The following ESR2 variants were observed in gnomAD, a reference collection of about 807,000 sequenced individuals.
ESR2 encodes estrogen receptor 2, also known as estrogen receptor beta.
A neutral mutation model predicts 49.6 loss-of-function variants in ESR2; 36 were observed. The ratio of observed to expected loss-of-function variants is 0.73; its 90% confidence interval spans 0.56 to 0.96. The LOEUF (loss-of-function observed/expected upper bound fraction) is 0.96, where lower values mean the gene tolerates loss of function less well. ESR2 is among the 40% of genes least tolerant of loss of function. The probability of loss-of-function intolerance (pLI) is 0.00; values close to 1 mark genes in which losing one functional copy is unlikely to be tolerated. For missense variants in ESR2, 714 were observed against 693.0 expected, an observed-to-expected ratio of 1.03 and a Z score of -0.34; for synonymous variants, 320 against 266.1, an observed-to-expected ratio of 1.20 and a Z score of -1.97.
intron 5 of ESR2, among the ~76,000 whole-genome samples, chr14:64,257,810 G>A (rs1226951555): frequency 6.6e-6 from 1 of 152,118 alleles, no homozygotes; most frequent in Non-Finnish European, 1.5e-5. Flanking sequence ...AGAGAGCAGT[G>A]CCAGCCCTCA....
intron 1 of ESR2, among the ~76,000 whole-genome samples, chr14:64,327,413 AG>A (rs1243775415): frequency 3.5e-3 from 322 of 90,774 alleles, no homozygotes; most frequent in South Asian, 6.6e-3. Context: ...ATACAAAATT[AG>A]GCCAGGCACA....
chr14:64,285,184 G>A (rs1271101334), intron 1 of ESR2, among the ~76,000 whole-genome samples: 4 of 152,056 alleles, frequency 2.6e-5, no homozygotes. Flanking sequence ...ATCTGTAACA[G>A]GCTTCTTACT....
rs1242418915 is a variant in ESR2, at chr14:64,228,859, T to C, written c.*4278A>G. ...AGCAACAAAAATGGCACTACGATCA[T>C]ACATCACAGACAATGCACATCTTAA... On this transcript the variant is annotated 3_prime_UTR_variant, in exon 9 of 9. Transcript: ENST00000341099. Among the ~76,000 whole-genome samples, 3 of 152,172 alleles carry C rather than the reference T, an allele frequency of 2.0e-5. No individual in the cohort carries two copies. Among genetic ancestry groups the C allele is most frequent in the African/African-American group, 7.2e-5 (3 of 41,448 alleles).
At chr14:64,252,993 TTACAGGCACAC>T (rs1325599305) in intron 6 of ESR2, among the ~76,000 whole-genome samples, 2 of 151,820 alleles carry the variant, frequency 1.3e-5, no homozygotes, top group African/African-American at 4.8e-5. Flanking sequence ...GTAGCTGGGA[TTACAGGCACAC>T]ACCACTATGC....
intron 1 of ESR2, among the ~76,000 whole-genome samples, chr14:64,335,552 A>G (rs532935333): frequency 1.3e-5 from 2 of 152,056 alleles, no homozygotes; most frequent in East Asian, 1.9e-4. Context: ...TAAGGACACT[A>G]CTCCCATCGT....
chr14:64,321,604 C>T (rs114249126), intron 1 of ESR2, among the ~76,000 whole-genome samples: 2,401 of 152,206 alleles, frequency 0.016, 67 homozygotes, highest in East Asian at 0.088. Context: ...TGACAAGACA[C>T]TATTTAAGAA....
intron 4 of ESR2, among the ~76,000 whole-genome samples, chr14:64,261,232 CTTTTTTCTTTTTTT>C (rs1191985516): frequency 1.1e-5 from 1 of 88,682 alleles, no homozygotes; most frequent in Non-Finnish European, 2.1e-5. Flanking sequence ...TTTTATTTTT[CTTTTTTCTTTTTTT>C]TTTTTTTTTG....
chr14:64,315,184 T>C (rs2077238089), intron 1 of ESR2, among the ~76,000 whole-genome samples: 1 of 134,946 alleles, frequency 7.4e-6, no homozygotes, highest in East Asian at 2.1e-4. Context: ...GTGGAGGTTG[T>C]GGTAAGCCAA....
chr14:64,291,877 T>A (rs1348598180), intron 1 of ESR2, among the ~76,000 whole-genome samples: 2 of 152,122 alleles, frequency 1.3e-5, no homozygotes, highest in African/African-American at 4.8e-5. Context: ...TTTCTTAATC[T>A]CAGGTATAAT....
intron 1 of ESR2, among the ~76,000 whole-genome samples, chr14:64,319,025 G>A (rs1248297067): frequency 6.6e-6 from 1 of 151,710 alleles, no homozygotes; most frequent in Non-Finnish European, 1.5e-5. Context: ...CTCCAGCCCT[G>A]GTGAAAGAGA....
At position 64,260,470 on chromosome 14, in the gene ESR2, T is replaced by A. The variant is rs201349732; in HGVS notation, c.931A>T (p.Ser311Cys). Residue 311 changes from serine (S) to cysteine (C), a missense_variant, in exon 5 of 9, where the codon AGC (serine) becomes TGC (cysteine). Ser to Cys is a moderately radical substitution (Grantham distance 112). Coordinates refer to ENST00000341099, the MANE Select transcript of ESR2 (RefSeq NM_001437.3). The stretch of plus-strand genomic sequence containing the variant: ...CTACCGGGAATCTTCTTGGCCCAGC[T>A]GATCATGTGTACCAACTCCTTGTCG... ...LADKELVHMI[S>C]WAKKIPGFVE... The A allele has an allele frequency of 1.3e-6, 2 of 1,525,238 alleles. No homozygotes were observed. Among genetic ancestry groups the A allele is most frequent in the Non-Finnish European group, 1.8e-6 (2 of 1,137,836 alleles). 94.5% of individuals were successfully genotyped at this position (1,525,238 alleles called of 1,614,324 possible). A position where few individuals can be genotyped will look rare whatever the true frequency, so the allele number is the denominator to read the frequency against.
rs2076431023 is a variant in ESR2, at chr14:64,270,801, CA to C, written c.536-1891del. On this transcript the variant is annotated intron_variant, in intron 3 of 8. Coordinates refer to ENST00000341099, the MANE Select transcript of ESR2 (RefSeq NM_001437.3). ...CTGGGATTACAGGCGTGAGCCACCA[CA>C]GCTGGCCAGAAGAGGTAATTAAAAA... is the stretch of plus-strand genomic sequence containing the variant. Among the ~76,000 whole-genome samples, 3 of 152,226 alleles carry C rather than the reference CA, an allele frequency of 2.0e-5. No homozygotes were observed. The South Asian group carries it at 6.2e-4, about 32-fold the overall frequency.
Position 64,233,222 on chromosome 14 carries a change from C to T in ESR2, c.1508G>A (p.Cys503Tyr), listed in dbSNP as rs188329310. 157 of 1,614,230 alleles carry T rather than the reference C, an allele frequency of 9.7e-5. 2 individuals are homozygous for T. In the East Asian group the frequency reaches 1.0e-3, roughly 10 times the overall value. Residue 503 changes from cysteine to tyrosine, a missense_variant, in exon 9 of 9, where the codon TGC becomes TAC. Cys to Tyr is a radical substitution (Grantham distance 194, BLOSUM62 -2). Coordinates refer to ENST00000341099, the MANE Select transcript of ESR2 (RefSeq NM_001437.3). ...CTCGGACCCCGTGATGGAGGACTTG[C>T]ACCCGCGAAGCACGTGGGCATTCAG... ...EMLNAHVLRG[C>Y]KSSITGSECS... is the part of the protein sequence containing the mutation.
chr14:64,278,868 C>T (rs1596447806), intron 3 of ESR2, among the ~76,000 whole-genome samples: 2 of 152,120 alleles, frequency 1.3e-5, no homozygotes, highest in African/African-American at 4.8e-5. Flanking sequence ...ACAAAGTTAA[C>T]CTGAAAAATA....
At chr14:64,285,202 G>A (rs533900829) in intron 1 of ESR2, among the ~76,000 whole-genome samples, 12 of 151,942 alleles carry the variant, frequency 7.9e-5, no homozygotes, top group East Asian at 7.7e-4. Flanking sequence ...ACTGCTCCTC[G>A]TCCCCAGTTA....
At chr14:64,246,460 C>A (rs980811238) in intron 7 of ESR2, among the ~76,000 whole-genome samples, 4 of 152,052 alleles carry the variant, frequency 2.6e-5, no homozygotes, top group African/African-American at 7.2e-5. Flanking sequence ...GCCTCCCCAG[C>A]CATACTGAAC....
Position 64,236,339 on chromosome 14 carries a change from G to A in ESR2, c.1226-1189C>T, listed in dbSNP as rs1462515342. Among the ~76,000 whole-genome samples, 3 of 152,164 alleles carry A rather than the reference G, an allele frequency of 2.0e-5. No individual in the cohort carries two copies. In the East Asian group the frequency reaches 5.8e-4, roughly 29 times the overall value. ...CTGTGCTCACTTTGTTCTCCACATT[G>A]GTTCTTCCAGAATCCCCCCACAGCC... On this transcript the variant is annotated intron_variant, in intron 7 of 8. Transcript: ENST00000341099.
intron 7 of ESR2, among the ~76,000 whole-genome samples, chr14:64,235,761 C>T (rs2075583379): frequency 1.3e-5 from 2 of 152,158 alleles, no homozygotes; most frequent in African/African-American, 4.8e-5. Flanking sequence ...GCCTCAGTTC[C>T]TCACTGAGCA....
chr14:64,281,863 A>T (rs1241302771), intron 2 of ESR2, among the ~76,000 whole-genome samples: 1 of 152,228 alleles, frequency 6.6e-6, no homozygotes, highest in African/African-American at 2.4e-5. Context: ...AGCTTATACC[A>T]ATCATCTATC....
Sources: allele counts gnomAD v4.1 joint callset (sites outside exome capture counted in the v4.1 genomes callset), GRCh38; gene constraint gnomAD v4.1.1; transcripts MANE v1.5; gene names NCBI Gene and HGNC (gene_info 2026-07-23, HGNC 2026-07-21).